Variants in NGLY1 observed in about 807,000 individuals in gnomAD.
NGLY1 encodes the protein peptide-N(4)-(N-acetyl-beta-glucosaminyl)asparagine amidase.
Under a neutral mutation model 84.6 loss-of-function variants are expected in NGLY1, and 68 were observed. That is an observed-to-expected ratio of 0.80 (90% CI 0.66 to 0.98). NGLY1 has a LOEUF of 0.98. Ranked by LOEUF, NGLY1 falls within the 50% of genes least tolerant of loss-of-function variation. NGLY1 has a pLI of 0.00. For synonymous variants in NGLY1, 280 were observed against 275.2 expected, an observed-to-expected ratio of 1.02 and a Z score of -0.17; for missense variants, 779 against 770.2, an observed-to-expected ratio of 1.01 and a Z score of -0.14.
intron 10 of NGLY1, among the ~76,000 whole-genome samples, chr3:25,725,508 C>A (rs545259111): frequency 5.7e-4 from 86 of 152,168 alleles, no homozygotes; most frequent in Non-Finnish European, 9.1e-4. Context: ...TGGTCAGAAG[C>A]ACAGGTAAAA....
chr3:25,758,585 A>G lies in NGLY1; in HGVS notation c.492+5481T>C, dbSNP rs140839068. On this transcript the variant is annotated intron_variant, in intron 3 of 11. Transcript: ENST00000280700. ...AAAGTGAGACCCTGTCTCAAAATAAATAAATAAATTTTTTTGAATTAAACA... is the reference window on the plus strand; with the variant it reads ...AAAGTGAGACCCTGTCTCAAAATAAGTAAATAAATTTTTTTGAATTAAACA... Among the ~76,000 whole-genome samples the G allele has an allele frequency of 3.0e-3, 458 of 152,264 alleles. 1 individual carries two copies. The highest frequency in any genetic ancestry group is 5.2e-3 in the Non-Finnish European group (351 of 68,016).
At chr3:25,762,428 T>G (rs771472832) in intron 3 of NGLY1, among the ~76,000 whole-genome samples, 1 of 152,222 alleles carries the variant, frequency 6.6e-6, no homozygotes, top group Non-Finnish European at 1.5e-5. Flanking sequence ...TCATTCTAAT[T>G]TCTCTCAACT....
chr3:25,737,114 A>G (rs1705867262), intron 6 of NGLY1: 1 of 395,698 alleles, frequency 2.5e-6, no homozygotes, highest in Non-Finnish European at 4.5e-6. Flanking sequence ...AGGAATATTT[A>G]TAGTGCAAAG....
At chr3:25,764,746 T>A (rs895072727) in intron 2 of NGLY1, among the ~76,000 whole-genome samples, 15 of 152,112 alleles carry the variant, frequency 9.9e-5, no homozygotes, top group African/African-American at 3.1e-4. Context: ...GAATCCAGGG[T>A]CACATAAAAC....
chr3:25,787,699 G>C (rs1386770613), upstream of NGLY1, among the ~76,000 whole-genome samples: 1 of 152,138 alleles, frequency 6.6e-6, no homozygotes, highest in Non-Finnish European at 1.5e-5. Flanking sequence ...TACCATGAAG[G>C]CTAGCATATG....
At chr3:25,722,281 A>ATG (rs2125447026) in intron 10 of NGLY1, among the ~76,000 whole-genome samples, 1 of 151,536 alleles carries the variant, frequency 6.6e-6, no homozygotes, top group African/African-American at 2.4e-5. Context: ...ACACATATAT[A>ATG]TATATATATA....
chr3:25,731,301 A>C (rs1559532269), intron 9 of NGLY1, among the ~76,000 whole-genome samples: 1 of 152,066 alleles, frequency 6.6e-6, no homozygotes, highest in Non-Finnish European at 1.5e-5. Context: ...ATTTTAAAAG[A>C]CCTAAATAAG....
At chr3:25,734,738 G>T (rs558565582) in intron 7 of NGLY1, 1 of 875,256 alleles carries the variant, frequency 1.1e-6, no homozygotes. Flanking sequence ...AAAATAAAAC[G>T]TAAAAGCCTA....
At chr3:25,733,277 A>AATTTAT (rs1705633584) in intron 8 of NGLY1, among the ~76,000 whole-genome samples, 1 of 152,214 alleles carries the variant, frequency 6.6e-6, no homozygotes, top group African/African-American at 2.4e-5. Flanking sequence ...TGCCTGCTAC[A>AATTTAT]GCAAAATTCA....
intron 3 of NGLY1, chr3:25,755,207 G>C: frequency 1.5e-6 from 2 of 1,368,606 alleles, no homozygotes; most frequent in Non-Finnish European, 2.1e-6. Context: ...ACTGGATATT[G>C]CAAGGCAGAA....
At chr3:25,719,887 T>TG in intron 11 of NGLY1, 127 bp downstream of exon 11, 1 of 858,386 alleles carries the variant, frequency 1.2e-6, no homozygotes, top group Non-Finnish European at 1.7e-6. Flanking sequence ...ATTAAATTTT[T>TG]TTTTTTTTAC....
intron 4 of NGLY1, among the ~76,000 whole-genome samples, chr3:25,745,130 T>C (rs1575628106): frequency 6.6e-6 from 1 of 152,016 alleles, no homozygotes; most frequent in South Asian, 2.1e-4. Context: ...AATATCGCCA[T>C]CCAATAGAAT....
intron 2 of NGLY1, among the ~76,000 whole-genome samples, chr3:25,765,856 C>T (rs1441304499): frequency 6.6e-6 from 1 of 151,904 alleles, no homozygotes; most frequent in Non-Finnish European, 1.5e-5. Flanking sequence ...CCTCAGCCTC[C>T]CAGCAGCTAG....
chr3:25,768,992 T>G (rs1707762116), intron 2 of NGLY1, among the ~76,000 whole-genome samples: 1 of 152,134 alleles, frequency 6.6e-6, no homozygotes, highest in South Asian at 2.1e-4. Flanking sequence ...ACTATTCAAA[T>G]GACAAGGGAT....
At chr3:25,749,749 G>C in intron 4 of NGLY1, 3 of 1,537,698 alleles carry the variant, frequency 2.0e-6, no homozygotes, top group Non-Finnish European at 2.7e-6. Flanking sequence ...AGCTTGAAGT[G>C]CTGCTGATGT....
chr3:25,787,385 A>ACTTTCTTC (rs1222800523), upstream of NGLY1, among the ~76,000 whole-genome samples: 1 of 152,066 alleles, frequency 6.6e-6, no homozygotes, highest in Non-Finnish European at 1.5e-5. Context: ...TCCATTCTTA[A>ACTTTCTTC]CTTTCTTCCC....
intron 2 of NGLY1, among the ~76,000 whole-genome samples, chr3:25,765,142 G>A (rs1416465533): frequency 6.6e-6 from 1 of 152,196 alleles, no homozygotes; most frequent in Non-Finnish European, 1.5e-5. Flanking sequence ...GTTAAAAACA[G>A]TAATTTCTCC....
intron 1 of NGLY1, among the ~76,000 whole-genome samples, chr3:25,779,977 C>T (rs1410588783): frequency 6.6e-6 from 1 of 152,046 alleles, no homozygotes; most frequent in African/African-American, 2.4e-5. Flanking sequence ...TTTACAAGTG[C>T]ATAAAAATGA....
chr3:25,772,010 T>G lies in NGLY1; in HGVS notation c.246+6564A>C, dbSNP rs1707919194. On this transcript the variant is annotated intron_variant, in intron 2 of 11. Transcript: ENST00000280700. ...GTCTATTCCTCTTTACCAATTTTGA[T>G]GTTCTTGATTTCTTTCTCTTGTCTG... Among the ~76,000 whole-genome samples, 3 of 152,200 alleles carry G rather than the reference T, an allele frequency of 2.0e-5. No homozygotes were observed. In the South Asian group the frequency reaches 6.2e-4, roughly 32 times the overall value.
Sources: gnomAD v4.1 joint callset for allele counts (sites outside exome capture counted in the v4.1 genomes callset) on GRCh38, gnomAD v4.1.1 for gene constraint, MANE v1.5 for transcripts, NCBI Gene and HGNC (gene_info 2026-07-23, HGNC 2026-07-21) for gene names.